MAVS: variants seen among roughly 807,000 people sequenced by gnomAD.
MAVS encodes the protein mitochondrial antiviral signaling protein, also known as mitochondrial antiviral-signaling protein.
A neutral mutation model predicts 30.2 loss-of-function variants in MAVS; 20 were observed. The ratio of observed to expected loss-of-function variants is 0.66; its 90% confidence interval spans 0.47 to 0.96. The LOEUF (loss-of-function observed/expected upper bound fraction) is 0.96. Ranked by LOEUF, MAVS falls within the 40% of genes least tolerant of loss-of-function variation. The pLI is 0.00. For missense variants in MAVS, 624 were observed against 701.1 expected (o/e 0.89, Z 1.24); for synonymous variants, 278 against 293.9 (o/e 0.95, Z 0.55).
chr20:3,867,152 G>A lies in MAVS; in HGVS notation c.*1005G>A, dbSNP rs1427419940. 1 of 432,794 alleles carries A rather than the reference G, an allele frequency of 2.3e-6. No individual in the cohort carries two copies. Among genetic ancestry groups the A allele is most frequent in the Non-Finnish European group, 4.7e-6 (1 of 214,162 alleles). The allele number at this position is 432,794 out of a possible 1,614,324, so 26.8% of individuals were successfully genotyped here. A position where few individuals can be genotyped will look rare whatever the true frequency, so the allele number is the denominator to read the frequency against. On this transcript the variant is annotated 3_prime_UTR_variant, in exon 7 of 7. Coordinates refer to ENST00000428216, the MANE Select transcript of MAVS (RefSeq NM_020746.5). Reference sequence around the variant, plus strand: ...GGCAGAGTGCACAGTGGTCAAGGGTGCAGCTCTGCAGCACAGGCAGCCTAG... The same window carrying A: ...GGCAGAGTGCACAGTGGTCAAGGGTACAGCTCTGCAGCACAGGCAGCCTAG...
chr20:3,848,073 G>A (rs2089723374), intron 1 of MAVS, among the ~76,000 whole-genome samples: 1 of 152,006 alleles, frequency 6.6e-6, no homozygotes, highest in Admixed American at 6.6e-5. Flanking sequence ...CTGGTACCTG[G>A]CTGATGCCAT....
intron 4 of MAVS, 117 bp from the exon 5 acceptor site, chr20:3,862,137 G>A (rs928166812): frequency 8.4e-7 from 1 of 1,197,510 alleles, no homozygotes. Context: ...GGCTCCCCTG[G>A]CTCCTGTGCT....
chr20:3,854,271 AT>A (rs1444123461), intron 1 of MAVS, among the ~76,000 whole-genome samples: 1 of 151,392 alleles, frequency 6.6e-6, no homozygotes, highest in Non-Finnish European at 1.5e-5. Flanking sequence ...AAATACAAAA[AT>A]TAGCTGGGCA....
intron 1 of MAVS, among the ~76,000 whole-genome samples, 185 bp from the exon 2 acceptor site, chr20:3,854,373 C>A (rs1468654600): frequency 3.4e-5 from 5 of 148,456 alleles, no homozygotes; most frequent in Admixed American, 2.7e-4. Flanking sequence ...TGCAGTGAGC[C>A]GAGATTGCCC....
rs531335103 is a variant in MAVS, at chr20:3,874,165, G to C, written c.*8018G>C. The C allele has an allele frequency of 2.5e-6, 1 of 398,508 alleles. No homozygotes were observed. Among genetic ancestry groups the C allele is most frequent in the African/African-American group, 2.1e-5 (1 of 48,632 alleles). 24.7% of individuals were successfully genotyped at this position (398,508 alleles called of 1,614,324 possible). A position where few individuals can be genotyped will look rare whatever the true frequency, so the allele number is the denominator to read the frequency against. On this transcript the variant is annotated 3_prime_UTR_variant, in exon 7 of 7. Coordinates refer to ENST00000428216, the MANE Select transcript of MAVS (RefSeq NM_020746.5). ...ATGAGGTCAAGCAAAAGAGGTCAGA[G>C]TCCTCATCATCAAGAGAGAATTCAT...
intron 1 of MAVS, among the ~76,000 whole-genome samples, chr20:3,853,759 A>C (rs1260070471): frequency 6.6e-6 from 1 of 152,074 alleles, no homozygotes; most frequent in Admixed American, 6.6e-5. Flanking sequence ...GCACCACTGC[A>C]CCCAACTTGG....
At position 3,866,810 on chromosome 20, in the gene MAVS, C is replaced by T. The variant is rs1360663318; in HGVS notation, c.*663C>T. On this transcript the variant is annotated 3_prime_UTR_variant, in exon 7 of 7. Coordinates refer to ENST00000428216, the MANE Select transcript of MAVS (RefSeq NM_020746.5). The stretch of plus-strand genomic sequence containing the variant: ...TGAGGAAGACCTGTGGAGCTCCTCT[C>T]CAGCCTCCTCTTTCCCTCCCCTCTG... 2.3e-6 allele frequency: 1 copy of T among 441,576 alleles called. No individual in the cohort carries two copies. The highest frequency in any genetic ancestry group is 2.0e-5 in the African/African-American group (1 of 49,780). The allele number at this position is 441,576 out of a possible 1,614,324, so 27.4% of individuals were successfully genotyped here.
intron 1 of MAVS, among the ~76,000 whole-genome samples, chr20:3,851,525 A>T (rs889165014): frequency 1.5e-5 from 2 of 137,088 alleles, no homozygotes; most frequent in South Asian, 2.3e-4. Flanking sequence ...AAAAAAAAAA[A>T]GTTTATAAGG....
rs576661368 is a variant in MAVS, at chr20:3,857,809, C to T, written c.292C>T (p.Arg98Trp). The change falls in exon 3 of 7, where the codon CGG becomes TGG. Residue 98 changes from arginine to tryptophan, a missense_variant and splice_region_variant. Arg to Trp is a moderately radical substitution (Grantham distance 101, BLOSUM62 -3). Coordinates refer to ENST00000428216, the MANE Select transcript of MAVS (RefSeq NM_020746.5). Reference sequence around the variant, plus strand: ...CTCTGTCTACCAGAGCTACCAGCCTCGTGAGCGTCCTGCCCTTGCCCTCCT... The same window carrying T: ...CTCTGTCTACCAGAGCTACCAGCCTTGTGAGCGTCCTGCCCTTGCCCTCCT... ...VASVYQSYQP[R>W]TSDRPPDPLE... The T allele has an allele frequency of 1.6e-4, 251 of 1,614,194 alleles. 2 individuals carry two copies. The South Asian group carries it at 2.5e-3, about 16-fold the overall frequency.
intron 3 of MAVS, among the ~76,000 whole-genome samples, chr20:3,859,536 C>T (rs1340372067): frequency 3.3e-5 from 5 of 149,436 alleles, no homozygotes; most frequent in African/African-American, 9.9e-5. Context: ...AAATAGTGAT[C>T]CCCTGAATAC....
In MAVS at chr20:3,853,208, C is replaced by T. The variant is rs574760445; in HGVS notation, c.-67-1350C>T. Among the ~76,000 whole-genome samples, 100 of 142,852 alleles carry T rather than the reference C, an allele frequency of 7.0e-4. 1 individual carries two copies. Among genetic ancestry groups the T allele is most frequent in the Middle Eastern group, 3.5e-3 (1 of 288 alleles). The allele number at this position is 142,852 out of a possible 152,430, so 93.7% of individuals were successfully genotyped here. A position where few individuals can be genotyped will look rare whatever the true frequency, so the allele number is the denominator to read the frequency against. ...GTTTACAGAAATTAAAGATGGCGGC[C>T]GGGCGCGGTGGCTCACGCCTGTAAT... On this transcript the variant is annotated intron_variant, in intron 1 of 6. Coordinates refer to ENST00000428216, the MANE Select transcript of MAVS (RefSeq NM_020746.5).
intron 1 of MAVS, among the ~76,000 whole-genome samples, chr20:3,849,701 C>A (rs142825219): frequency 2.6e-5 from 4 of 152,342 alleles, no homozygotes; most frequent in Admixed American, 2.0e-4. Flanking sequence ...GTTCAAGTAG[C>A]ATGCCTGTCT....
chr20:3,864,657 A>C lies in MAVS; in HGVS notation c.1027A>C (p.Asn343His). Residue 343 changes from asparagine (N) to histidine (H), a missense_variant, in exon 6 of 7, where the codon AAT (asparagine) becomes CAT (histidine). Asn to His is a moderately conservative substitution (Grantham distance 68). Coordinates refer to ENST00000428216, the MANE Select transcript of MAVS (RefSeq NM_020746.5). ...PGAVPSNALT[N>H]PAPSKLPINS... ...TGCAGTGCCTTCTAATGCGCTCACCAATCCAGCACCATCCAAATTGCCCAT... is the reference window on the plus strand; with the variant it reads ...TGCAGTGCCTTCTAATGCGCTCACCCATCCAGCACCATCCAAATTGCCCAT... The C allele has an allele frequency of 6.2e-7, 1 of 1,614,198 alleles. No homozygotes were observed. Among genetic ancestry groups the C allele is most frequent in the South Asian group, 1.1e-5 (1 of 91,082 alleles).
At chr20:3,853,810 C>CA (rs2146759901) in intron 1 of MAVS, among the ~76,000 whole-genome samples, 1 of 152,042 alleles carries the variant, frequency 6.6e-6, no homozygotes, top group East Asian at 1.9e-4. Flanking sequence ...GTTTTTGAGA[C>CA]AGAGTTTCGC....
chr20:3,858,455 G>A (rs1324691961), intron 3 of MAVS, among the ~76,000 whole-genome samples: 2 of 152,064 alleles, frequency 1.3e-5, no homozygotes, highest in South Asian at 2.1e-4. Flanking sequence ...CGAGGCAGGC[G>A]GATCATGAGG....
At chr20:3,860,863 G>C (rs1457838775) in intron 3 of MAVS, among the ~76,000 whole-genome samples, 1 of 152,032 alleles carries the variant, frequency 6.6e-6, no homozygotes, top group Non-Finnish European at 1.5e-5. Context: ...TTTTAGTAGA[G>C]ACGGGGTTTC....
At position 3,861,229 on chromosome 20, in the gene MAVS, G is replaced by A. The variant is rs1003250169; in HGVS notation, c.293-103G>A. ...GCCAGGGTGGTCTCGATCTGACCTC[G>A]TGATCTGCCTGCCTTGGCCTCCCAA... On this transcript the variant is annotated intron_variant, in intron 3 of 6. Transcript: ENST00000428216. 8 of 1,107,030 alleles carry A rather than the reference G, an allele frequency of 7.2e-6. No individual in the cohort carries two copies. The African/African-American group carries it at 8.0e-5, about 11-fold the overall frequency. 68.6% of individuals were successfully genotyped at this position (1,107,030 alleles called of 1,614,324 possible).
In MAVS at chr20:3,862,128, G is replaced by C. The variant is rs1407834714; in HGVS notation, c.466-126G>C. On this transcript the variant is annotated intron_variant, in intron 4 of 6. Coordinates refer to ENST00000428216, the MANE Select transcript of MAVS (RefSeq NM_020746.5). ...GGGAATTACCAGAACCCAGGCAAGG[G>C]CTCCCCTGGCTCCTGTGCTCCATGG... 7.7e-5 allele frequency: 83 copies of C among 1,078,766 alleles called. 1 individual carries two copies. In the South Asian group the frequency reaches 1.4e-3, roughly 18 times the overall value. 66.8% of individuals were successfully genotyped at this position (1,078,766 alleles called of 1,614,324 possible).
chr20:3,860,184 G>T (rs73082598), intron 3 of MAVS, among the ~76,000 whole-genome samples: 18,062 of 151,646 alleles, frequency 0.12, 1,347 homozygotes, highest in Non-Finnish European at 0.17. Context: ...GGGGCGGGGG[G>T]TGTACCCAAG....
Sources: gnomAD v4.1 joint callset for allele counts (sites outside exome capture counted in the v4.1 genomes callset) on GRCh38, gnomAD v4.1.1 for gene constraint, MANE v1.5 for transcripts, NCBI Gene and HGNC (gene_info 2026-07-23, HGNC 2026-07-21) for gene names.